CLEC10A: variants seen among roughly 807,000 people sequenced by gnomAD.
CLEC10A encodes the protein C-type lectin domain family 10 member A.
Under a neutral mutation model 42.0 loss-of-function variants are expected in CLEC10A, and 38 were observed. The ratio of observed to expected loss-of-function variants is 0.90; its 90% CI spans 0.70 to 1.18. The LOEUF is 1.18. Among genes scored for constraint, CLEC10A ranks in the 50% most tolerant of loss-of-function variants. The pLI is 0.00. For missense variants in CLEC10A, 298 were observed against 345.9 expected (o/e 0.86, Z 1.10); for synonymous variants, 126 against 139.9 (o/e 0.90, Z 0.70).
rs762992301 is a variant in CLEC10A at position 7,078,039 on chromosome 17, C to T, written c.142G>A (p.Gly48Ser). 14 of 1,613,958 alleles carry T rather than the reference C, an allele frequency of 8.7e-6. No individual in the cohort carries two copies. Among genetic ancestry groups the T allele is most frequent in the East Asian group, 2.2e-5 (1 of 44,868 alleles). The change falls in exon 3 of 9, where the codon GGC becomes AGC. Residue 48 changes from glycine (G) to serine (S), a missense_variant. Around this residue, in one of 3 missense-constraint regions of CLEC10A, gnomAD observed 4 missense variants for 19.5 expected, o/e 0.20. Coordinates refer to ENST00000416562, the MANE Select transcript of CLEC10A (RefSeq NM_001330070.2). ...PCHLLLSLGLGLLLLVIICVV... is the reference protein window; with the variant it reads ...PCHLLLSLGLSLLLLVIICVV... ...CAGATGATGACCAGCAGCAGGAGGCCGAGGCCCAGGGACAGCAGGAGATGG... is the reference window on the plus strand; with the variant it reads ...CAGATGATGACCAGCAGCAGGAGGCTGAGGCCCAGGGACAGCAGGAGATGG...
chr17:7,076,805 C>T lies in CLEC10A; in HGVS notation c.281-1G>A, dbSNP rs1911784042. On this transcript the variant is annotated splice_acceptor_variant, in intron 4 of 8. Transcript: ENST00000416562. LOFTEE classifies it high-confidence loss of function. ...GCTATCGTTTCTTCCAAGCTGCTGCCTGGAGGACACGGAGACTTGGCTTAG... is the reference window on the plus strand; with the variant it reads ...GCTATCGTTTCTTCCAAGCTGCTGCTTGGAGGACACGGAGACTTGGCTTAG... The T allele has an allele frequency of 6.2e-7, 1 of 1,613,932 alleles. No individual in the cohort carries two copies. The highest frequency in any genetic ancestry group is 2.2e-5 in the East Asian group (1 of 44,844).
rs138660752 is a variant in CLEC10A, at chr17:7,074,976, C to T, written c.*78G>A. Reference sequence around the variant, plus strand: ...CCCAGTGCTTATTTCTCTCCCAGAGCGGTCTTGCGAGGAGGTCGTGAGAAG... The same window carrying T: ...CCCAGTGCTTATTTCTCTCCCAGAGTGGTCTTGCGAGGAGGTCGTGAGAAG... On this transcript the variant is annotated 3_prime_UTR_variant, in exon 9 of 9. Transcript: ENST00000416562. 4.5e-3 allele frequency: 5,345 copies of T among 1,178,676 alleles called. 14 individuals are homozygous for T. The highest frequency in any genetic ancestry group is 5.3e-3 in the Non-Finnish European group (4,623 of 873,256). The allele number at this position is 1,178,676 out of a possible 1,614,324, so 73.0% of individuals were successfully genotyped here.
At position 7,077,958 on chromosome 17, in the gene CLEC10A, A is replaced by G. The variant is rs191677361; in HGVS notation, c.184+39T>C. ...CACCCCATTATTTATCTTCTACCCCATTATTTCTCTCTTCCCTGTCCACCC... is the reference window on the plus strand; with the variant it reads ...CACCCCATTATTTATCTTCTACCCCGTTATTTCTCTCTTCCCTGTCCACCC... On this transcript the variant is annotated intron_variant, in intron 3 of 8. Transcript: ENST00000416562. 9.5e-6 allele frequency: 14 copies of G among 1,476,666 alleles called. 1 individual carries two copies. In the East Asian group the frequency reaches 3.0e-4, roughly 31 times the overall value. 91.5% of individuals were successfully genotyped at this position (1,476,666 alleles called of 1,614,324 possible).
At position 7,074,889 on chromosome 17, in the gene CLEC10A, C is replaced by G; in HGVS notation, c.*165G>C. The G allele has an allele frequency of 2.1e-6, 1 of 482,704 alleles. No individual in the cohort carries two copies. The highest frequency in any genetic ancestry group is 6.4e-5 in the South Asian group (1 of 15,522). 29.9% of individuals were successfully genotyped at this position (482,704 alleles called of 1,614,324 possible). A position where few individuals can be genotyped will look rare whatever the true frequency, so the allele number is the denominator to read the frequency against. On this transcript the variant is annotated 3_prime_UTR_variant, in exon 9 of 9. Coordinates refer to ENST00000416562, the MANE Select transcript of CLEC10A (RefSeq NM_001330070.2). ...GAAAAAAAATAAAAGCTTAAGAACACTATACCATCTTTTTAAAATTAAAGA... is the reference window on the plus strand; with the variant it reads ...GAAAAAAAATAAAAGCTTAAGAACAGTATACCATCTTTTTAAAATTAAAGA...
chr17:7,079,149 T>A (rs909207834), intron 1 of CLEC10A, among the ~76,000 whole-genome samples: 6 of 152,120 alleles, frequency 3.9e-5, no homozygotes, highest in African/African-American at 9.7e-5. Flanking sequence ...TTGGGGTCAG[T>A]ATGCACGTTG....
chr17:7,076,048 C>T lies in CLEC10A; in HGVS notation c.376G>A (p.Val126Ile). ...QAVHSEMLLR[V>I]QQLVQDLKKL... ...TTCAGGTCTTGCACCAGCTGCTGGA[C>T]TCGCAGGAGCATTTCAGAATGAACT... The change falls in exon 6 of 9, where the codon GTC becomes ATC. Residue 126 changes from valine (V) to isoleucine (I), a missense_variant. Val to Ile is a conservative substitution (Grantham distance 29, BLOSUM62 3). Coordinates refer to ENST00000416562, the MANE Select transcript of CLEC10A (RefSeq NM_001330070.2). The T allele has an allele frequency of 4.3e-6, 7 of 1,614,216 alleles. No homozygotes were observed. Among genetic ancestry groups the T allele is most frequent in the Non-Finnish European group, 5.9e-6 (7 of 1,180,040 alleles).
intron 1 of CLEC10A, among the ~76,000 whole-genome samples, chr17:7,079,156 G>T (rs552248574): frequency 3.9e-5 from 6 of 152,308 alleles, no homozygotes; most frequent in Non-Finnish European, 5.9e-5. Flanking sequence ...CAGTATGCAC[G>T]TTGGAGCCAT....
At chr17:7,077,435 C>T (rs77057498) in intron 3 of CLEC10A, among the ~76,000 whole-genome samples, 44 of 137,236 alleles carry the variant, frequency 3.2e-4, no homozygotes, top group Non-Finnish European at 5.1e-4. Flanking sequence ...CATCACCATT[C>T]CCATCGATCA....
chr17:7,077,216 A>G (rs1911812216), intron 3 of CLEC10A, among the ~76,000 whole-genome samples: 1 of 151,152 alleles, frequency 6.6e-6, no homozygotes, highest in Non-Finnish European at 1.5e-5. Flanking sequence ...CATCCTGACT[A>G]TGGGTCCGTC....
rs1911627684 is a variant in CLEC10A, at chr17:7,074,931, G to A, written c.*123C>T. 10 of 689,314 alleles carry A rather than the reference G, an allele frequency of 1.5e-5. No homozygotes were observed. In the South Asian group the frequency reaches 4.2e-4, roughly 29 times the overall value. 42.7% of individuals were successfully genotyped at this position (689,314 alleles called of 1,614,324 possible). ...AATTAAAGAGAAAAAAATTCAAAAT[G>A]TTAGCAGTGCTTCCAATCTCCCAGT... On this transcript the variant is annotated 3_prime_UTR_variant, in exon 9 of 9. Coordinates refer to ENST00000416562, the MANE Select transcript of CLEC10A (RefSeq NM_001330070.2).
rs200835319 is a variant in CLEC10A, at chr17:7,078,083, C to T, written c.98G>A (p.Arg33His). Residue 33 changes from arginine (R) to histidine (H), a missense_variant, in exon 3 of 9, where the codon CGT becomes CAT. Arg to His is a conservative substitution (Grantham distance 29). This residue lies in a region of CLEC10A where 27 missense variants were observed against 37.0 expected (regional missense o/e 0.73). Transcript: ENST00000416562. ...GPLPLQSLLQ[R>H]LCSGPCHLLL... is the part of the protein sequence containing the mutation. ...GAGATGGCAGGGCCCAGAGCAGAGA[C>T]GCTGCAGGAGGGACTGGAGAGGAAG... is the stretch of plus-strand genomic sequence containing the variant. 2.6e-5 allele frequency: 42 copies of T among 1,613,648 alleles called. No individual in the cohort carries two copies. In the East Asian group the frequency reaches 2.9e-4, roughly 11 times the overall value.
chr17:7,075,587 G>T, intron 7 of CLEC10A, 121 bp from the exon 8 acceptor site: 2 of 1,415,648 alleles, frequency 1.4e-6, no homozygotes, highest in Non-Finnish European at 2.0e-6. Flanking sequence ...TTCTCTGGAT[G>T]CTCAGGCCTA....
intron 7 of CLEC10A, 49 bp downstream of exon 7, chr17:7,075,682 T>C: frequency 6.2e-7 from 1 of 1,613,792 alleles, no homozygotes; most frequent in South Asian, 1.1e-5. Context: ...TTAAGAACCA[T>C]TTCCCTAAAT....
At chr17:7,077,103 C>T in intron 3 of CLEC10A, 116 bp from the exon 4 acceptor site, 1 of 727,860 alleles carries the variant, frequency 1.4e-6, no homozygotes, top group Non-Finnish European at 2.5e-6. Flanking sequence ...CCCAGTGGGG[C>T]AGGCACTATT....
intron 3 of CLEC10A, 147 bp from the exon 4 acceptor site, chr17:7,077,134 A>C: frequency 1.6e-6 from 1 of 644,418 alleles, no homozygotes. Context: ...ATTGCCGATG[A>C]GGAAACTAAG....
intron 7 of CLEC10A, 105 bp from the exon 8 acceptor site, chr17:7,075,571 A>C (rs1911678492): frequency 7.1e-7 from 1 of 1,409,524 alleles, no homozygotes; most frequent in African/African-American, 1.4e-5. Context: ...AGGAGTTTGG[A>C]GATGTTTCTC....
intron 1 of CLEC10A, 56 bp from the exon 2 acceptor site, chr17:7,078,941 T>C (rs1912021808): frequency 1.2e-6 from 1 of 813,048 alleles, no homozygotes; most frequent in African/African-American, 1.7e-5. Flanking sequence ...TGACGTTGAG[T>C]TGGGAGATGA....
intron 3 of CLEC10A, among the ~76,000 whole-genome samples, chr17:7,077,674 C>G (rs9914415): frequency 0.012 from 1,138 of 97,114 alleles, 16 homozygotes; most frequent in Middle Eastern, 0.029. Context: ...GTGCCCCCAC[C>G]ACCGTCCCCA....
intron 5 of CLEC10A, among the ~76,000 whole-genome samples, chr17:7,076,321 T>A (rs1911743998): frequency 6.8e-6 from 1 of 147,108 alleles, no homozygotes; most frequent in Admixed American, 6.7e-5. Flanking sequence ...TTTTTTTTTT[T>A]TTTTTTGAGA....
Sources: gnomAD v4.1 joint callset for allele counts (sites outside exome capture counted in the v4.1 genomes callset) on GRCh38, gnomAD v4.1.1 for gene constraint, gnomAD v4.1.1 regional missense constraint, MANE v1.5 for transcripts, NCBI Gene and HGNC (gene_info 2026-07-23, HGNC 2026-07-21) for gene names.